Variants in RASL10B observed in about 807,000 individuals in gnomAD.
RASL10B encodes the protein ras-like protein family member 10B.
In RASL10B, 10 loss-of-function variants were observed where a neutral mutation model predicts 20.7. The observed-to-expected ratio is 0.48, with a 90% CI of 0.30 to 0.82. The LOEUF is 0.82. Among genes scored for constraint, RASL10B ranks in the 40% least tolerant of loss-of-function variants. The probability of loss-of-function intolerance (pLI) is 0.07; values close to 1 mark genes in which losing one functional copy is unlikely to be tolerated. For missense variants in RASL10B, 231 were observed against 295.4 expected, an observed-to-expected ratio of 0.78 and a Z score of 1.60; for synonymous variants, 110 against 123.3, an observed-to-expected ratio of 0.89 and a Z score of 0.72.
intron 2 of RASL10B, among the ~76,000 whole-genome samples, chr17:35,740,146 A>G (rs2085620525): frequency 6.6e-6 from 1 of 152,226 alleles, no homozygotes; most frequent in African/African-American, 2.4e-5. Flanking sequence ...ACATGGAGCA[A>G]GGCAGAGCTA....
rs1445861350 is a variant in RASL10B at position 35,743,343 on chromosome 17, C to G, written c.*2038C>G. 1 of 152,754 alleles carries G rather than the reference C, an allele frequency of 6.5e-6. No individual in the cohort carries two copies. Among genetic ancestry groups the G allele is most frequent in the African/African-American group, 2.4e-5 (1 of 41,456 alleles). The allele number at this position is 152,754 out of a possible 1,614,324, so 9.5% of individuals were successfully genotyped here. Reference sequence around the variant, plus strand: ...TCCCCTGACAGGCCCCCTTCCGCCTCCACCTCAACCCAGGTCTTGGATTTC... The same window carrying G: ...TCCCCTGACAGGCCCCCTTCCGCCTGCACCTCAACCCAGGTCTTGGATTTC... On this transcript the variant is annotated 3_prime_UTR_variant, in exon 4 of 4. Transcript: ENST00000603017.
intron 1 of RASL10B, among the ~76,000 whole-genome samples, chr17:35,734,273 G>A (rs893610234): frequency 4.6e-5 from 7 of 152,216 alleles, no homozygotes; most frequent in Non-Finnish European, 1.0e-4. Context: ...TTGAAAGTTG[G>A]AAGAAGTACT....
rs1316917195 is a variant in RASL10B at position 35,742,075 on chromosome 17, C to T, written c.*770C>T. The T allele has an allele frequency of 1.3e-5, 2 of 150,176 alleles. No individual in the cohort carries two copies. The highest frequency in any genetic ancestry group is 2.5e-5 in the African/African-American group (1 of 39,972). The allele number at this position is 150,176 out of a possible 1,614,324, so 9.3% of individuals were successfully genotyped here. A position where few individuals can be genotyped will look rare whatever the true frequency, so the allele number is the denominator to read the frequency against. ...TCTTCCTGACCCCAAAGCCAGATCA[C>T]CCCCTGGGTTAAAACTTTTTTTCTT... On this transcript the variant is annotated 3_prime_UTR_variant, in exon 4 of 4. Transcript: ENST00000603017.
chr17:35,735,208 C>G lies in RASL10B; in HGVS notation c.24C>G (p.Ala8=), dbSNP rs782017763. The G allele has an allele frequency of 2.3e-5, 37 of 1,611,436 alleles. No individual in the cohort carries two copies. Among genetic ancestry groups the G allele is most frequent in the Non-Finnish European group, 3.1e-5 (37 of 1,179,762 alleles). The change falls in exon 2 of 4, where the codon GCC becomes GCG. Residue 8 remains alanine, a synonymous_variant. Transcript: ENST00000603017. The surrounding 1 kb of genome is among the most constrained non-coding windows in gnomAD (Gnocchi z 6.7). ...GCATGGTCTCCACCTACCGGGTGGC[C>G]GTGCTGGGGGCGCGAGGTGTGGGCA... MVSTYRV[A]VLGARGVGKS...
chr17:35,740,097 CTTG>C (rs1338023282), intron 2 of RASL10B, among the ~76,000 whole-genome samples: 1 of 152,202 alleles, frequency 6.6e-6, no homozygotes, highest in Non-Finnish European at 1.5e-5. Flanking sequence ...AATAAATGTA[CTTG>C]TTGAACAAAG....
intron 1 of RASL10B, among the ~76,000 whole-genome samples, chr17:35,734,276 G>A (rs2085576192): frequency 6.6e-6 from 1 of 152,222 alleles, no homozygotes; most frequent in Non-Finnish European, 1.5e-5. Context: ...AAAGTTGGAA[G>A]AAGTACTGCG....
At chr17:35,733,949 G>C (rs1421346509) in intron 1 of RASL10B, among the ~76,000 whole-genome samples, 2 of 152,216 alleles carry the variant, frequency 1.3e-5, no homozygotes, top group African/African-American at 4.8e-5. Context: ...GGCTCTAGGG[G>C]ATGCCAGAGA....
At chr17:35,739,948 A>C (rs143726589) in intron 2 of RASL10B, among the ~76,000 whole-genome samples, 2 of 152,316 alleles carry the variant, frequency 1.3e-5, no homozygotes, top group East Asian at 3.9e-4. Context: ...ACAGGAGATG[A>C]AGGGAGTAGT....
intron 1 of RASL10B, among the ~76,000 whole-genome samples, chr17:35,733,917 C>G (rs1340400112): frequency 6.6e-6 from 1 of 152,230 alleles, no homozygotes; most frequent in Non-Finnish European, 1.5e-5. Context: ...TTCTGGGCAC[C>G]TGCTATGTGC....
In RASL10B at chr17:35,735,236, A is replaced by G. The variant is rs782702155; in HGVS notation, c.52A>G (p.Ser18Gly). The G allele has an allele frequency of 2.5e-6, 4 of 1,613,304 alleles. No individual in the cohort carries two copies. The highest frequency in any genetic ancestry group is 3.4e-6 in the Non-Finnish European group (4 of 1,180,012). Residue 18 changes from serine to glycine, a missense_variant, in exon 2 of 4, where the codon AGT (serine) becomes GGT (glycine). Transcript: ENST00000603017. The surrounding 1 kb of genome is among the most constrained non-coding windows in gnomAD (Gnocchi z 6.7). ...GCTGGGGGCGCGAGGTGTGGGCAAG[A>G]GTGCCATCGTGCGCCAGTTCTTGTA... ...AVLGARGVGK[S>G]AIVRQFLYNE...
chr17:35,740,271 T>A, intron 2 of RASL10B, 138 bp from the exon 3 acceptor site: 2 of 1,083,432 alleles, frequency 1.8e-6, no homozygotes, highest in Non-Finnish European at 2.6e-6. Context: ...CTGGGCCTGG[T>A]CTCCTGGGGA....
Position 35,740,549 on chromosome 17 carries a change from A to G in RASL10B, c.341+16A>G, listed in dbSNP as rs781954924. ...TGGAGACGAGGTGAGAGGCTGGAAC[A>G]CAGTCCATTGCCACCTCTGTGGATG... On this transcript the variant is annotated intron_variant, in intron 3 of 3. Transcript: ENST00000603017. 1.0e-4 allele frequency: 167 copies of G among 1,610,916 alleles called. No individual in the cohort carries two copies. Among genetic ancestry groups the G allele is most frequent in the Middle Eastern group, 1.7e-4 (1 of 5,804 alleles).
intron 3 of RASL10B, 44 bp downstream of exon 3, chr17:35,740,577 C>T: frequency 1.3e-6 from 2 of 1,595,988 alleles, no homozygotes; most frequent in Non-Finnish European, 1.7e-6. Context: ...TGTGGATGCC[C>T]CAGTGCTAGC....
chr17:35,741,393 A>G lies in RASL10B; in HGVS notation c.*88A>G. 2 of 1,365,930 alleles carry G rather than the reference A, an allele frequency of 1.5e-6. No homozygotes were observed. Among genetic ancestry groups the G allele is most frequent in the Non-Finnish European group, 1.9e-6 (2 of 1,065,026 alleles). 84.6% of individuals were successfully genotyped at this position (1,365,930 alleles called of 1,614,324 possible). A position where few individuals can be genotyped will look rare whatever the true frequency, so the allele number is the denominator to read the frequency against. Reference sequence around the variant, plus strand: ...GGCTGGGGCGGGGAGCGGGCGGGAAATGGAACTGTGACGGTCCCGGCCTGA... The same window carrying G: ...GGCTGGGGCGGGGAGCGGGCGGGAAGTGGAACTGTGACGGTCCCGGCCTGA... On this transcript the variant is annotated 3_prime_UTR_variant, in exon 4 of 4. Coordinates refer to ENST00000603017, the MANE Select transcript of RASL10B (RefSeq NM_033315.4).
At position 35,741,101 on chromosome 17, in the gene RASL10B, C is replaced by G. The variant is rs782747059; in HGVS notation, c.408C>G (p.Arg136=). The change falls in exon 4 of 4, where the codon CGC becomes CGG. Residue 136 remains arginine (R), a synonymous_variant. Transcript: ENST00000603017. ...VGNKRDLQRG[R]VIPRWNVSHL... is the part of the protein sequence containing the mutation. ...ACAAGCGGGACCTGCAGCGCGGACGCGTGATCCCGCGCTGGAACGTGTCGC... is the reference window on the plus strand; with the variant it reads ...ACAAGCGGGACCTGCAGCGCGGACGGGTGATCCCGCGCTGGAACGTGTCGC... 1.1e-5 allele frequency: 18 copies of G among 1,613,348 alleles called. No individual in the cohort carries two copies. The highest frequency in any genetic ancestry group is 1.4e-5 in the Non-Finnish European group (17 of 1,179,858).
chr17:35,731,982 G>T (rs1427618482), intron 1 of RASL10B, 104 bp downstream of exon 1: 1 of 150,924 alleles, frequency 6.6e-6, no homozygotes, highest in Non-Finnish European at 1.5e-5. Flanking sequence ...GCCTGGGCGA[G>T]GGGCGTCCGG....
In RASL10B at chr17:35,735,282, G is replaced by A; in HGVS notation, c.98G>A (p.Cys33Tyr). The A allele has an allele frequency of 6.2e-7, 1 of 1,613,916 alleles. No homozygotes were observed. Among genetic ancestry groups the A allele is most frequent in the Non-Finnish European group, 8.5e-7 (1 of 1,180,036 alleles). The change falls in exon 2 of 4, where the codon TGC (cysteine) becomes TAC (tyrosine). Residue 33 changes from cysteine (C) to tyrosine (Y), a missense_variant. Physicochemically the swap from Cys to Tyr is radical, Grantham distance 194. Coordinates refer to ENST00000603017, the MANE Select transcript of RASL10B (RefSeq NM_033315.4). This position sits in a 1 kb window ranked among gnomAD's most constrained non-coding sequence, Gnocchi z 6.7. ...TTGTACAACGAGTTCAGCGAGGTCT[G>A]CGTCCCCACCACCGCCCGCCGCCTT... ...QFLYNEFSEV[C>Y]VPTTARRLYL...
rs1196604898 is a variant in RASL10B, at chr17:35,735,352, G to T, written c.168G>T (p.Gln56His). The change falls in exon 2 of 4, where the codon CAG (glutamine) becomes CAT (histidine). Residue 56 changes from glutamine to histidine, a missense_variant. Transcript: ENST00000603017. The surrounding 1 kb of genome is among the most constrained non-coding windows in gnomAD (Gnocchi z 6.7). ...TGAACGGCCACGTGCACGACCTCCA[G>T]ATCCTCGACTTTCCACCCATCAGCG... ...VVMNGHVHDL[Q>H]ILDFPPISAF... 1 of 1,614,088 alleles carries T rather than the reference G, an allele frequency of 6.2e-7. No individual in the cohort carries two copies. Among genetic ancestry groups the T allele is most frequent in the African/African-American group, 1.3e-5 (1 of 74,952 alleles).
chr17:35,741,002 A>C (rs1487615773), intron 3 of RASL10B, 33 bp from the exon 4 acceptor site: 3 of 1,545,426 alleles, frequency 1.9e-6, no homozygotes, highest in Non-Finnish European at 2.6e-6. Context: ...TGTGGGGCTG[A>C]CAGAGTTCTG....
Sources: allele counts gnomAD v4.1 joint callset (sites outside exome capture counted in the v4.1 genomes callset), GRCh38; gene constraint gnomAD v4.1.1; non-coding constraint Gnocchi (gnomAD v3.1); transcripts MANE v1.5; gene names NCBI Gene and HGNC (gene_info 2026-07-23, HGNC 2026-07-21).